The following SLC6A15 variants were observed in gnomAD, a reference collection of about 807,000 sequenced individuals.
SLC6A15 encodes the protein sodium-dependent neutral amino acid transporter B(0)AT2.
A neutral mutation model predicts 68.5 loss-of-function variants in SLC6A15; 33 were observed. That is an observed-to-expected ratio of 0.48 (90% CI 0.37 to 0.64). SLC6A15 has a LOEUF of 0.64. SLC6A15 is among the 30% of genes least tolerant of loss of function. SLC6A15 has a pLI of 0.00. For missense variants in SLC6A15, 747 were observed against 874.3 expected (o/e 0.85, Z 1.84); for synonymous variants, 347 against 301.0 (o/e 1.15, Z -1.58).
chr12:84,861,514 C>T lies in SLC6A15; in HGVS notation c.*118G>A. 8.5e-7 allele frequency: 1 copy of T among 1,170,652 alleles called. No homozygotes were observed. Among genetic ancestry groups the T allele is most frequent in the Non-Finnish European group, 1.2e-6 (1 of 829,766 alleles). The allele number at this position is 1,170,652 out of a possible 1,614,324, so 72.5% of individuals were successfully genotyped here. A position where few individuals can be genotyped will look rare whatever the true frequency, so the allele number is the denominator to read the frequency against. On this transcript the variant is annotated 3_prime_UTR_variant, in exon 12 of 12. Transcript: ENST00000266682. The stretch of plus-strand genomic sequence containing the variant: ...GACATATACTGTTAGGATTAAAGAT[C>T]ACAGCCACGGAACACCTGAGATTGC...
chr12:84,886,019 G>A lies in SLC6A15; in HGVS notation c.339C>T (p.Pro113=). 1.2e-6 allele frequency: 2 copies of A among 1,610,896 alleles called. No homozygotes were observed. The highest frequency in any genetic ancestry group is 8.5e-7 in the Non-Finnish European group (1 of 1,177,614). Residue 113 remains proline (P), a synonymous_variant, in exon 3 of 12, where the codon CCC becomes CCT. Transcript: ENST00000266682. ...CCACAGAGAGTTCCAAGAAAAAAAG[G>A]GGAATACCTATTACCATAAGTAGTA... ...YLILLMVIGI[P]LFFLELSVGQ... is the part of the protein sequence containing the mutation.
chr12:84,883,676 GT>G (rs1871935239), intron 5 of SLC6A15, 182 bp downstream of exon 5: 2 of 1,520,016 alleles, frequency 1.3e-6, no homozygotes, highest in South Asian at 2.6e-5. Flanking sequence ...ATAAAACACT[GT>G]TTTTATTTGT....
intron 1 of SLC6A15, among the ~76,000 whole-genome samples, chr12:84,904,224 G>GGGGAGAGAGAGAGAGA (rs1555183253): frequency 5.7e-5 from 7 of 122,014 alleles, no homozygotes; most frequent in East Asian, 4.8e-4. Context: ...GGGCGGAGGG[G>GGGGAGAGAGAGAGAGA]GAGAGAGAGA....
At chr12:84,905,448 T>C (rs1205308799) in intron 1 of SLC6A15, among the ~76,000 whole-genome samples, 4 of 152,220 alleles carry the variant, frequency 2.6e-5, no homozygotes, top group East Asian at 1.9e-4. Flanking sequence ...GTTGATATTA[T>C]ATTTACTGGT....
chr12:84,903,349 T>C (rs1430008720), intron 1 of SLC6A15, among the ~76,000 whole-genome samples: 3 of 152,006 alleles, frequency 2.0e-5, no homozygotes, highest in African/African-American at 7.2e-5. Flanking sequence ...GTAACAAACC[T>C]GCACATTGTG....
At chr12:84,903,539 C>A (rs1170093284) in intron 1 of SLC6A15, among the ~76,000 whole-genome samples, 3 of 152,062 alleles carry the variant, frequency 2.0e-5, no homozygotes, top group Non-Finnish European at 2.9e-5. Flanking sequence ...CAACCAAAAT[C>A]AAGGCGTTAC....
chr12:84,870,073 T>A (rs916950626), intron 9 of SLC6A15, among the ~76,000 whole-genome samples: 10 of 151,944 alleles, frequency 6.6e-5, no homozygotes, highest in African/African-American at 2.4e-4. Flanking sequence ...TTTAGGTTTA[T>A]CATTTTCAGC....
chr12:84,868,854 G>T lies in SLC6A15; in HGVS notation c.1495+1624C>A, dbSNP rs560731930. 2.6e-5 allele frequency among the ~76,000 whole-genome samples: 4 copies of T among 152,268 alleles called. No homozygotes were observed. In the East Asian group the frequency reaches 5.8e-4, roughly 22 times the overall value. On this transcript the variant is annotated intron_variant, in intron 9 of 11. Coordinates refer to ENST00000266682, the MANE Select transcript of SLC6A15 (RefSeq NM_182767.6). ...AACCTGCAAGCCTTTTACTACAGGA[G>T]GGGACGGTTTGGATATGGCGAGCAA... is the stretch of plus-strand genomic sequence containing the variant.
At position 84,860,684 on chromosome 12, in the gene SLC6A15, T is replaced by C. The variant is rs966625856; in HGVS notation, c.*948A>G. The C allele has an allele frequency of 6.6e-6, 1 of 152,162 alleles. No homozygotes were observed. 9.4% of individuals were successfully genotyped at this position (152,162 alleles called of 1,614,324 possible). Reference sequence around the variant, plus strand: ...AACTTTGTTTATTTGTAGATTAAAATGTAATGCATTACAATTTTAACAATC... The same window carrying C: ...AACTTTGTTTATTTGTAGATTAAAACGTAATGCATTACAATTTTAACAATC... On this transcript the variant is annotated 3_prime_UTR_variant, in exon 12 of 12. Coordinates refer to ENST00000266682, the MANE Select transcript of SLC6A15 (RefSeq NM_182767.6).
At chr12:84,902,282 T>C (rs1023538304) in intron 1 of SLC6A15, among the ~76,000 whole-genome samples, 7 of 151,972 alleles carry the variant, frequency 4.6e-5, no homozygotes, top group African/African-American at 1.4e-4. Flanking sequence ...AATGTATATT[T>C]TTTTTCCCAA....
At chr12:84,897,902 A>G (rs571913657) in intron 1 of SLC6A15, among the ~76,000 whole-genome samples, 1 of 152,330 alleles carries the variant, frequency 6.6e-6, no homozygotes, top group Admixed American at 6.5e-5. Context: ...ACAAGGAAAT[A>G]TGGTTTACTT....
intron 2 of SLC6A15, among the ~76,000 whole-genome samples, chr12:84,888,095 A>G (rs1421355558): frequency 7.1e-6 from 1 of 141,122 alleles, no homozygotes; most frequent in Non-Finnish European, 1.5e-5. Flanking sequence ...TACAAAAAAC[A>G]AAGGAAAAAA....
chr12:84,885,822 A>G (rs1400595757), intron 3 of SLC6A15, 89 bp downstream of exon 3: 13 of 1,319,318 alleles, frequency 9.9e-6, no homozygotes, highest in Non-Finnish European at 1.4e-5. Context: ...TTGTTTATTA[A>G]CACACACTCC....
intron 6 of SLC6A15, among the ~76,000 whole-genome samples, chr12:84,874,314 T>TA (rs1175144492): frequency 6.6e-6 from 1 of 152,168 alleles, no homozygotes; most frequent in Non-Finnish European, 1.5e-5. Context: ...GTGTACCACT[T>TA]ACCACGGTGC....
At chr12:84,904,885 G>A (rs1329934646) in intron 1 of SLC6A15, among the ~76,000 whole-genome samples, 1 of 152,026 alleles carries the variant, frequency 6.6e-6, no homozygotes, top group Non-Finnish European at 1.5e-5. Context: ...TAGCCAATAA[G>A]AAATAGAACA....
chr12:84,867,294 A>T, intron 9 of SLC6A15, 101 bp from the exon 10 acceptor site: 1 of 988,014 alleles, frequency 1.0e-6, no homozygotes, highest in Non-Finnish European at 1.4e-6. Flanking sequence ...AACTTTTATA[A>T]CATGTCCATC....
At chr12:84,900,703 C>T (rs1052457326) in intron 1 of SLC6A15, among the ~76,000 whole-genome samples, 7 of 151,346 alleles carry the variant, frequency 4.6e-5, no homozygotes, top group African/African-American at 1.7e-4. Context: ...TTAAGATAAC[C>T]ATATCAGTTC....
intron 1 of SLC6A15, among the ~76,000 whole-genome samples, chr12:84,893,166 A>G (rs1361754025): frequency 1.3e-5 from 2 of 152,166 alleles, no homozygotes. Context: ...GTTTTTAAGG[A>G]TCTTATATTT....
intron 1 of SLC6A15, among the ~76,000 whole-genome samples, chr12:84,909,117 T>C (rs1262181354): frequency 4.6e-5 from 7 of 152,174 alleles, no homozygotes. Flanking sequence ...TGATAAAAAT[T>C]GTGTCCATTT....
Sources: allele counts gnomAD v4.1 joint callset (sites outside exome capture counted in the v4.1 genomes callset), GRCh38; gene constraint gnomAD v4.1.1; transcripts MANE v1.5; gene names NCBI Gene and HGNC (gene_info 2026-07-23, HGNC 2026-07-21).